Variants in EYS observed in about 807,000 individuals in gnomAD.
EYS encodes the protein protein eyes shut homolog.
In EYS, 250 loss-of-function variants were observed where a neutral mutation model predicts 282.1. That is an observed-to-expected ratio of 0.89 (90% CI 0.80 to 0.98). EYS has a LOEUF of 0.98. Ranked by LOEUF, EYS falls within the 50% of genes least tolerant of loss-of-function variation. The pLI is 0.00. For missense variants in EYS, 4,016 were observed against 3,709.0 expected, an observed-to-expected ratio of 1.08 and a Z score of -2.15; for synonymous variants, 1,355 against 1,282.9, an observed-to-expected ratio of 1.06 and a Z score of -1.20.
chr6:65,162,110 C>T (rs1429841624), intron 12 of EYS, among the ~76,000 whole-genome samples: 1 of 151,158 alleles, frequency 6.6e-6, no homozygotes, highest in Non-Finnish European at 1.5e-5. Context: ...AGAGCATGGA[C>T]TTTGGAGTCT....
intron 22 of EYS, among the ~76,000 whole-genome samples, chr6:64,739,098 T>C (rs923502855): frequency 2.6e-5 from 4 of 152,178 alleles, no homozygotes; most frequent in South Asian, 4.1e-4. Context: ...GTGTCCTTTT[T>C]TTCACTCTAC....
At chr6:64,370,555 C>T (rs1772329394) in intron 29 of EYS, among the ~76,000 whole-genome samples, 1 of 152,050 alleles carries the variant, frequency 6.6e-6, no homozygotes, top group Non-Finnish European at 1.5e-5. Flanking sequence ...AGGGAGAAAT[C>T]CCCCCTCCTC....
chr6:65,213,005 G>T (rs1268235721), intron 12 of EYS, among the ~76,000 whole-genome samples: 1 of 151,986 alleles, frequency 6.6e-6, no homozygotes, highest in Non-Finnish European at 1.5e-5. Flanking sequence ...CATTTAAGTG[G>T]CAGGATTATT....
intron 26 of EYS, among the ~76,000 whole-genome samples, chr6:64,475,498 CCGAGAT>C (rs1171534898): frequency 1.5e-5 from 1 of 68,080 alleles, no homozygotes; most frequent in Non-Finnish European, 3.4e-5. Flanking sequence ...TTGCAGTGAG[CCGAGAT>C]CCCGCCACTG....
At chr6:63,743,652 T>A (rs780071608) in intron 41 of EYS, among the ~76,000 whole-genome samples, 2 of 152,216 alleles carry the variant, frequency 1.3e-5, no homozygotes, top group Non-Finnish European at 2.9e-5. Context: ...GATGCACCGT[T>A]TGTCTCCAAA....
intron 14 of EYS, among the ~76,000 whole-genome samples, chr6:64,982,152 T>G (rs1770696933): frequency 6.6e-6 from 1 of 151,394 alleles, no homozygotes; most frequent in Non-Finnish European, 1.5e-5. Flanking sequence ...CAATCAATGT[T>G]ACACTATTCC....
chr6:65,415,934 C>A (rs999431989), intron 5 of EYS, among the ~76,000 whole-genome samples: 1 of 151,922 alleles, frequency 6.6e-6, no homozygotes, highest in Non-Finnish European at 1.5e-5. Flanking sequence ...TATTTTACTG[C>A]AAACAAATTA....
intron 1 of EYS, among the ~76,000 whole-genome samples, chr6:65,641,983 C>A (rs1323972073): frequency 6.6e-6 from 1 of 152,040 alleles, no homozygotes; most frequent in Non-Finnish European, 1.5e-5. Context: ...TGGACCAGTT[C>A]CTAAGTAATA....
chr6:64,332,334 A>T (rs935560494), intron 29 of EYS, among the ~76,000 whole-genome samples: 1 of 152,216 alleles, frequency 6.6e-6, no homozygotes, highest in Non-Finnish European at 1.5e-5. Context: ...GGCAAATGCA[A>T]GCCTTAAGTG....
chr6:65,056,623 G>A (rs987571346), intron 13 of EYS, among the ~76,000 whole-genome samples: 28 of 151,940 alleles, frequency 1.8e-4, no homozygotes, highest in South Asian at 6.2e-4. Flanking sequence ...TATTTTTACC[G>A]AGATTACTTA....
chr6:64,708,538 G>A (rs1047742723), intron 22 of EYS, among the ~76,000 whole-genome samples: 2 of 152,064 alleles, frequency 1.3e-5, no homozygotes, highest in African/African-American at 4.8e-5. Context: ...TGCATGTCAT[G>A]TGCCCAGAGT....
intron 2 of EYS, among the ~76,000 whole-genome samples, chr6:65,584,253 C>T (rs769851892): frequency 3.3e-5 from 5 of 152,028 alleles, no homozygotes; most frequent in Non-Finnish European, 7.4e-5. Context: ...CCCCATGGGA[C>T]ATTTGGCAAC....
chr6:64,229,565 C>T (rs1008178612), intron 31 of EYS, among the ~76,000 whole-genome samples: 3 of 152,102 alleles, frequency 2.0e-5, no homozygotes, highest in African/African-American at 7.2e-5. Context: ...TTTTGAAGAA[C>T]ACTTATATGA....
At chr6:65,134,076 C>A (rs968643281) in intron 12 of EYS, among the ~76,000 whole-genome samples, 2 of 151,920 alleles carry the variant, frequency 1.3e-5, no homozygotes, top group African/African-American at 4.8e-5. Context: ...CATATTACAC[C>A]AGTTAGGATG....
intron 23 of EYS, among the ~76,000 whole-genome samples, chr6:64,618,253 C>T (rs77860132): frequency 0.025 from 3,831 of 152,220 alleles, 63 homozygotes; most frequent in Non-Finnish European, 0.042. Context: ...CTCAGCTATG[C>T]TTTACTGGGT....
At chr6:64,473,914 C>T (rs561434771) in intron 26 of EYS, among the ~76,000 whole-genome samples, 3 of 152,290 alleles carry the variant, frequency 2.0e-5, no homozygotes, top group African/African-American at 7.2e-5. Flanking sequence ...ATAACTTCAC[C>T]TTTTGTTTCA....
At chr6:65,473,605 A>G (rs1001987750) in intron 5 of EYS, among the ~76,000 whole-genome samples, 1 of 151,992 alleles carries the variant, frequency 6.6e-6, no homozygotes, top group African/African-American at 2.4e-5. Flanking sequence ...TGCTAAGCAC[A>G]ATATTTATAT....
At chr6:64,204,795 A>G (rs1765568088) in intron 31 of EYS, among the ~76,000 whole-genome samples, 1 of 152,182 alleles carries the variant, frequency 6.6e-6, no homozygotes, top group South Asian at 2.1e-4. Context: ...GTTGAAATTC[A>G]TCTAATGGTA....
At chr6:64,849,434 T>C (rs939507475) in intron 19 of EYS, among the ~76,000 whole-genome samples, 2 of 152,048 alleles carry the variant, frequency 1.3e-5, no homozygotes, top group African/African-American at 4.8e-5. Context: ...CTTTCTGTTG[T>C]CACATTTTAG....
Sources: gnomAD v4.1 joint callset for allele counts (sites outside exome capture counted in the v4.1 genomes callset) on GRCh38, gnomAD v4.1.1 for gene constraint, MANE v1.5 for transcripts, NCBI Gene and HGNC (gene_info 2026-07-23, HGNC 2026-07-21) for gene names.